The following CCDC148 variants were observed in gnomAD, a reference collection of about 807,000 sequenced individuals.
The protein encoded by CCDC148 is coiled-coil domain containing 148, also known as coiled-coil domain-containing protein 148.
A neutral mutation model predicts 85.7 loss-of-function variants in CCDC148; 89 were observed. That is an observed-to-expected ratio of 1.04 (90% CI 0.87 to 1.24). The LOEUF is 1.24. Among genes scored for constraint, CCDC148 ranks in the 50% most tolerant of loss-of-function variants. The pLI is 0.00. For missense variants in CCDC148, 692 were observed against 671.7 expected (o/e 1.03, Z -0.33); for synonymous variants, 230 against 213.9 (o/e 1.08, Z -0.66).
At chr2:158,438,883 C>T (rs543559025) in intron 1 of CCDC148, among the ~76,000 whole-genome samples, 39 of 152,172 alleles carry the variant, frequency 2.6e-4, no homozygotes, top group African/African-American at 8.7e-4. Flanking sequence ...AAATGCTCAT[C>T]ATCACTGGCC....
chr2:158,189,897 A>G (rs903549500), intron 11 of CCDC148, among the ~76,000 whole-genome samples: 2 of 152,022 alleles, frequency 1.3e-5, no homozygotes, highest in Admixed American at 1.3e-4. Flanking sequence ...GATATGCACC[A>G]ATAAATGAAA....
rs534276270 is a variant in CCDC148 at position 158,282,741 on chromosome 2, C to G, written c.1110+26692G>C. Among the ~76,000 whole-genome samples the G allele has an allele frequency of 6.6e-5, 10 of 152,274 alleles. No homozygotes were observed. The South Asian group carries it at 1.0e-3, about 16-fold the overall frequency. On this transcript the variant is annotated intron_variant, in intron 9 of 13. Coordinates refer to ENST00000283233, the MANE Select transcript of CCDC148 (RefSeq NM_138803.4). Reference sequence around the variant, plus strand: ...TAGATTCAATGCCATCCCCATCAAGCTACCAATGACTTTCTTCACAGAATT... The same window carrying G: ...TAGATTCAATGCCATCCCCATCAAGGTACCAATGACTTTCTTCACAGAATT...
At chr2:158,221,849 C>A (rs796162376) in intron 10 of CCDC148, among the ~76,000 whole-genome samples, 24 of 151,830 alleles carry the variant, frequency 1.6e-4, no homozygotes, top group African/African-American at 5.8e-4. Flanking sequence ...TTAGAGAGAA[C>A]AGAGATAAAG....
chr2:158,439,232 T>C (rs1687819902), intron 1 of CCDC148, among the ~76,000 whole-genome samples: 2 of 152,168 alleles, frequency 1.3e-5, no homozygotes, highest in South Asian at 4.1e-4. Context: ...AACCCAAATG[T>C]CCAAGAATGA....
intron 1 of CCDC148, among the ~76,000 whole-genome samples, chr2:158,439,929 T>G (rs1217790423): frequency 6.6e-6 from 1 of 152,162 alleles, no homozygotes; most frequent in African/African-American, 2.4e-5. Context: ...GGTGCAATTA[T>G]GGCTCAATGT....
chr2:158,280,675 AC>A (rs1690239043), intron 9 of CCDC148, among the ~76,000 whole-genome samples: 1 of 152,196 alleles, frequency 6.6e-6, no homozygotes, highest in Admixed American at 6.5e-5. Flanking sequence ...CACATTAATA[AC>A]GGGAGACTTT....
intron 1 of CCDC148, among the ~76,000 whole-genome samples, chr2:158,448,835 T>C (rs1688270907): frequency 1.3e-5 from 2 of 152,184 alleles, no homozygotes; most frequent in South Asian, 4.1e-4. Context: ...TTTTTGTTTG[T>C]TTGTTTTTCT....
chr2:158,445,600 C>T (rs77748196), intron 1 of CCDC148, among the ~76,000 whole-genome samples: 26,866 of 152,034 alleles, frequency 0.18, 3,102 homozygotes, highest in Middle Eastern at 0.26. Context: ...AAAACTAAAA[C>T]GACAACAAAA....
chr2:158,294,431 T>C (rs1309168412), intron 9 of CCDC148, among the ~76,000 whole-genome samples: 5 of 152,118 alleles, frequency 3.3e-5, no homozygotes, highest in Non-Finnish European at 7.4e-5. Context: ...CCAGTTTAAA[T>C]GAATAAACAC....
At chr2:158,290,100 G>A (rs1158998240) in intron 9 of CCDC148, among the ~76,000 whole-genome samples, 5 of 152,186 alleles carry the variant, frequency 3.3e-5, no homozygotes, top group Admixed American at 2.6e-4. Flanking sequence ...TAGTAGAGGT[G>A]GACCTGGGAG....
chr2:158,213,840 C>T (rs1214285161), intron 11 of CCDC148, among the ~76,000 whole-genome samples: 2 of 152,100 alleles, frequency 1.3e-5, no homozygotes, highest in Non-Finnish European at 1.5e-5. Flanking sequence ...AGTATCACTG[C>T]AGCTGTAGAG....
intron 1 of CCDC148, among the ~76,000 whole-genome samples, chr2:158,439,751 G>T (rs1478852325): frequency 6.6e-6 from 1 of 152,106 alleles, no homozygotes; most frequent in Non-Finnish European, 1.5e-5. Context: ...ATATAGTAAT[G>T]CTCAATAAGC....
chr2:158,342,512 T>C (rs1260724632), intron 3 of CCDC148, among the ~76,000 whole-genome samples: 1 of 152,148 alleles, frequency 6.6e-6, no homozygotes, highest in East Asian at 1.9e-4. Flanking sequence ...CAGAACAGAT[T>C]TGTTTAACCA....
intron 7 of CCDC148, among the ~76,000 whole-genome samples, chr2:158,329,555 T>C (rs1055522685): frequency 1.1e-4 from 17 of 151,956 alleles, no homozygotes; most frequent in African/African-American, 4.1e-4. Context: ...AGAAAGTCAT[T>C]GGTAGCTTGA....
At chr2:158,182,298 G>A (rs2105264813) in intron 11 of CCDC148, among the ~76,000 whole-genome samples, 1 of 152,142 alleles carries the variant, frequency 6.6e-6, no homozygotes, top group Non-Finnish European at 1.5e-5. Context: ...GATTCCTAAG[G>A]AAACAACACT....
chr2:158,207,930 A>G (rs553648298), intron 11 of CCDC148, among the ~76,000 whole-genome samples: 5 of 150,052 alleles, frequency 3.3e-5, no homozygotes, highest in African/African-American at 1.2e-4. Context: ...AGGACCACTT[A>G]CAGAAAGGTG....
In CCDC148 at chr2:158,309,541, C is replaced by A. The variant is rs1691869488; in HGVS notation, c.1002G>T (p.Gln334His). ...CCTCAGTGAGTGTCAGCACAGCCTT[C>A]TGTATAAAGTCTTTCTTATTTTTAT... ...NWNKNKKDFI[Q>H]KAVLTLTEAC... Residue 334 changes from glutamine (Q) to histidine (H), a missense_variant, in exon 9 of 14, where the codon CAG (glutamine) becomes CAT (histidine). By Grantham distance (24) the Gln-to-His change is conservative. Transcript: ENST00000283233. 6.2e-7 allele frequency: 1 copy of A among 1,613,692 alleles called. No individual in the cohort carries two copies. The highest frequency in any genetic ancestry group is 1.3e-5 in the African/African-American group (1 of 74,920).
At chr2:158,441,984 A>G (rs1355871039) in intron 1 of CCDC148, among the ~76,000 whole-genome samples, 1 of 152,146 alleles carries the variant, frequency 6.6e-6, no homozygotes, top group Non-Finnish European at 1.5e-5. Flanking sequence ...ATACCCTCTT[A>G]TTTAAAAAAC....
intron 7 of CCDC148, among the ~76,000 whole-genome samples, chr2:158,330,761 T>C (rs1183780433): frequency 6.6e-6 from 1 of 152,210 alleles, no homozygotes; most frequent in Admixed American, 6.5e-5. Flanking sequence ...TTAATGAATC[T>C]ATCCATTTCT....
Sources: allele counts gnomAD v4.1 joint callset (sites outside exome capture counted in the v4.1 genomes callset), GRCh38; gene constraint gnomAD v4.1.1; transcripts MANE v1.5; gene names NCBI Gene and HGNC (gene_info 2026-07-23, HGNC 2026-07-21).